AGO3: variants seen among roughly 807,000 people sequenced by gnomAD.
AGO3 encodes the protein argonaute RISC catalytic component 3.
Under a neutral mutation model 105.5 loss-of-function variants are expected in AGO3, and 16 were observed. The observed-to-expected ratio is 0.15, with a 90% CI of 0.10 to 0.23. The LOEUF (loss-of-function observed/expected upper bound fraction) is 0.23, where lower values mean the gene tolerates loss of function less well. AGO3 is among the 10% of genes least tolerant of loss of function. AGO3 has a pLI of 1.00. For missense variants in AGO3, 534 were observed against 1,088.0 expected, an observed-to-expected ratio of 0.49 and a Z score of 7.16; for synonymous variants, 340 against 367.3, an observed-to-expected ratio of 0.93 and a Z score of 0.85.
intron 11 of AGO3, 88 bp downstream of exon 11, chr1:36,014,136 A>G: frequency 1.3e-6 from 2 of 1,536,488 alleles, no homozygotes; most frequent in Non-Finnish European, 1.8e-6. Context: ...TGTTGCCTTA[A>G]TATGAAGTAT....
At position 36,061,183 on chromosome 1, in the gene AGO3, A is replaced by AGTGT. The variant is rs142722716; in HGVS notation, c.*5449_*5452dup. 6.6e-6 allele frequency: 1 copy of AGTGT among 151,648 alleles called. No homozygotes were observed. The highest frequency in any genetic ancestry group is 2.4e-5 in the African/African-American group (1 of 41,376). The allele number at this position is 151,648 out of a possible 1,614,324, so 9.4% of individuals were successfully genotyped here. A position where few individuals can be genotyped will look rare whatever the true frequency, so the allele number is the denominator to read the frequency against. On this transcript the variant is annotated 3_prime_UTR_variant, in exon 19 of 19. Coordinates refer to ENST00000373191, the MANE Select transcript of AGO3 (RefSeq NM_024852.4). ...TGAGTCCCAGGAAGCAGGGAGGGGG[A>AGTGT]GTGTGTGTGTGTGTATATGTATGAG...
At chr1:35,999,123 C>G (rs1321458437) in intron 5 of AGO3, among the ~76,000 whole-genome samples, 1 of 152,130 alleles carries the variant, frequency 6.6e-6, no homozygotes, top group Non-Finnish European at 1.5e-5. Flanking sequence ...GAGGCCAAAG[C>G]AGGTGGATCA....
intron 5 of AGO3, among the ~76,000 whole-genome samples, chr1:35,979,364 G>GA (rs894518084): frequency 5.7e-4 from 83 of 145,510 alleles, no homozygotes; most frequent in African/African-American, 1.5e-3. Flanking sequence ...CTCCTTCTCA[G>GA]AAAAAAAAAA....
chr1:35,994,556 TAAAA>T (rs1031636918), intron 5 of AGO3, among the ~76,000 whole-genome samples: 5 of 149,850 alleles, frequency 3.3e-5, no homozygotes, highest in African/African-American at 1.3e-4. Flanking sequence ...GAAAAGGAAA[TAAAA>T]GGCATAATTT....
At chr1:36,014,163 A>AT (rs762002662) in intron 11 of AGO3, 115 bp downstream of exon 11, 66,187 of 1,101,276 alleles carry the variant, frequency 0.06, no homozygotes, top group Non-Finnish European at 0.065. Context: ...TCACTGAACC[A>AT]TTTTTTTTTT....
At chr1:36,026,688 A>G (rs1198262398) in intron 11 of AGO3, among the ~76,000 whole-genome samples, 4 of 152,342 alleles carry the variant, frequency 2.6e-5, no homozygotes, top group South Asian at 4.1e-4. Flanking sequence ...ATGGTCCTGG[A>G]TGGTGTGCTA....
chr1:36,017,494 G>A (rs1640965567), intron 11 of AGO3, among the ~76,000 whole-genome samples: 1 of 152,166 alleles, frequency 6.6e-6, no homozygotes, highest in Non-Finnish European at 1.5e-5. Flanking sequence ...ATAATTTAAA[G>A]TCTCTTGTAT....
chr1:36,036,564 T>A (rs1055066874), intron 14 of AGO3, among the ~76,000 whole-genome samples: 2 of 152,228 alleles, frequency 1.3e-5, no homozygotes, highest in Non-Finnish European at 2.9e-5. Context: ...AGTTTGTTTG[T>A]ATATTTCAGT....
chr1:35,939,603 T>A (rs1223477605), intron 1 of AGO3, among the ~76,000 whole-genome samples: 1 of 152,156 alleles, frequency 6.6e-6, no homozygotes, highest in Non-Finnish European at 1.5e-5. Context: ...AACCTAAAAC[T>A]TCCCTAAAAT....
chr1:35,940,526 T>G (rs1357317335), intron 1 of AGO3, among the ~76,000 whole-genome samples: 1 of 152,234 alleles, frequency 6.6e-6, no homozygotes, highest in Non-Finnish European at 1.5e-5. Context: ...ATCTGGATTT[T>G]GCTGGTTCCA....
At chr1:35,955,260 G>C (rs967218822) in intron 2 of AGO3, among the ~76,000 whole-genome samples, 3 of 152,162 alleles carry the variant, frequency 2.0e-5, no homozygotes, top group East Asian at 1.9e-4. Context: ...CATTTGGAAG[G>C]CTGTTGTAGT....
chr1:36,065,731 C>T lies in AGO3; in HGVS notation c.*9986C>T, dbSNP rs1276738654. ...TTTTAACTGGTTGGCTCCACAAATC[C>T]TGCTACCTGACATCAGTACAGCTTG... On this transcript the variant is annotated 3_prime_UTR_variant, in exon 19 of 19. Transcript: ENST00000373191. 1 of 152,262 alleles carries T rather than the reference C, an allele frequency of 6.6e-6. No homozygotes were observed. Among genetic ancestry groups the T allele is most frequent in the Non-Finnish European group, 1.5e-5 (1 of 68,082 alleles). 9.4% of individuals were successfully genotyped at this position (152,262 alleles called of 1,614,324 possible).
chr1:35,991,832 G>A (rs1320418637), intron 5 of AGO3, among the ~76,000 whole-genome samples: 2 of 151,848 alleles, frequency 1.3e-5, no homozygotes, highest in Non-Finnish European at 2.9e-5. Context: ...TCCTGTACAT[G>A]CTTATGCTTC....
chr1:35,989,502 G>T (rs1647415372), intron 5 of AGO3, among the ~76,000 whole-genome samples: 2 of 152,158 alleles, frequency 1.3e-5, no homozygotes, highest in South Asian at 4.1e-4. Flanking sequence ...TTGATGAAAT[G>T]AAGAATATTT....
intron 5 of AGO3, among the ~76,000 whole-genome samples, chr1:35,997,777 ACCT>A (rs1207098440): frequency 6.6e-6 from 1 of 151,622 alleles, no homozygotes; most frequent in African/African-American, 2.4e-5. Context: ...GCTCAATGCA[ACCT>A]CCTCCTCCTG....
intron 11 of AGO3, among the ~76,000 whole-genome samples, chr1:36,024,758 A>G (rs982249079): frequency 6.6e-6 from 1 of 152,108 alleles, no homozygotes; most frequent in African/African-American, 2.4e-5. Flanking sequence ...ATCTCGGCTC[A>G]CTGCAACCTC....
At chr1:36,049,185 CTG>C (rs1642596732) in intron 17 of AGO3, among the ~76,000 whole-genome samples, 1 of 152,040 alleles carries the variant, frequency 6.6e-6, no homozygotes, top group Non-Finnish European at 1.5e-5. Context: ...ATAATAAACA[CTG>C]TGGACTACTA....
chr1:35,961,453 C>T (rs573213879), intron 2 of AGO3, among the ~76,000 whole-genome samples: 3 of 152,142 alleles, frequency 2.0e-5, no homozygotes, highest in South Asian at 4.1e-4. Flanking sequence ...CTGAAAATTT[C>T]GTTCCAAAAT....
rs530306903 is a variant in AGO3 at position 36,036,468 on chromosome 1, A to T, written c.1842+201A>T. 2.6e-5 allele frequency among the ~76,000 whole-genome samples: 4 copies of T among 152,320 alleles called. No individual in the cohort carries two copies. In the East Asian group the frequency reaches 7.7e-4, roughly 29 times the overall value. ...TTAAATCAAGTTTGCTAGTTATATTATTCAAATCTTCTGTATTATACTTTA... is the reference window on the plus strand; with the variant it reads ...TTAAATCAAGTTTGCTAGTTATATTTTTCAAATCTTCTGTATTATACTTTA... On this transcript the variant is annotated intron_variant, in intron 14 of 18. Coordinates refer to ENST00000373191, the MANE Select transcript of AGO3 (RefSeq NM_024852.4).
Sources: gnomAD v4.1 joint callset for allele counts (sites outside exome capture counted in the v4.1 genomes callset) on GRCh38, gnomAD v4.1.1 for gene constraint, MANE v1.5 for transcripts, NCBI Gene and HGNC (gene_info 2026-07-23, HGNC 2026-07-21) for gene names.